CAMTA1: variants seen among roughly 807,000 people sequenced by gnomAD.
The protein encoded by CAMTA1 is calmodulin binding transcription activator 1.
In CAMTA1, 27 loss-of-function variants were observed where a neutral mutation model predicts 170.9. The observed-to-expected ratio is 0.16, with a 90% confidence interval of 0.12 to 0.22. The LOEUF (loss-of-function observed/expected upper bound fraction) is 0.22, where lower values mean the gene tolerates loss of function less well. Ranked by LOEUF, CAMTA1 falls within the 10% of genes least tolerant of loss-of-function variation. The pLI, the probability that CAMTA1 is intolerant of heterozygous loss-of-function variation, is 1.00. For missense variants in CAMTA1, 1,619 were observed against 2,217.2 expected (o/e 0.73, Z 5.42); for synonymous variants, 833 against 891.5 (o/e 0.93, Z 1.17).
chr1:7,354,814 T>C (rs2084970539), intron 5 of CAMTA1, among the ~76,000 whole-genome samples: 1 of 152,204 alleles, frequency 6.6e-6, no homozygotes, highest in South Asian at 2.1e-4. Flanking sequence ...TTTCTGATGA[T>C]GAGTGATGGT....
intron 3 of CAMTA1, among the ~76,000 whole-genome samples, chr1:6,954,719 G>T (rs1270428335): frequency 6.6e-6 from 1 of 152,164 alleles, no homozygotes; most frequent in African/African-American, 2.4e-5. Context: ...CAAGGACCGC[G>T]AGTGCCTTTG....
rs144631677 is a variant in CAMTA1, at chr1:7,450,589, G to A, written c.439-17241G>A. Among the ~76,000 whole-genome samples the A allele has an allele frequency of 7.9e-5, 12 of 152,344 alleles. 2 individuals carry two copies. The South Asian group carries it at 1.0e-3, about 13-fold the overall frequency. On this transcript the variant is annotated intron_variant, in intron 5 of 22. Coordinates refer to ENST00000303635, the MANE Select transcript of CAMTA1 (RefSeq NM_015215.4). The stretch of plus-strand genomic sequence containing the variant: ...GGGCTGCAGGCCCCACCGCCTGCCC[G>A]CTCTGCCTGCAAGATTCAATACCGC...
At chr1:7,055,432 A>G (rs1249409423) in intron 3 of CAMTA1, among the ~76,000 whole-genome samples, 1 of 152,174 alleles carries the variant, frequency 6.6e-6, no homozygotes, top group Non-Finnish European at 1.5e-5. Flanking sequence ...CTGAGTCCCC[A>G]GTTCTTCCTG....
chr1:7,484,776 G>A (rs2093594786), intron 6 of CAMTA1, among the ~76,000 whole-genome samples: 2 of 151,862 alleles, frequency 1.3e-5, no homozygotes, highest in South Asian at 2.1e-4. Context: ...GCGACAGAGC[G>A]AGACTATGTC....
At chr1:7,370,914 C>CTTTTCTT (rs1553149257) in intron 5 of CAMTA1, among the ~76,000 whole-genome samples, 6 of 109,984 alleles carry the variant, frequency 5.5e-5, no homozygotes, top group African/African-American at 7.0e-5. Flanking sequence ...TTCTTTCTTT[C>CTTTTCTT]TTTTTTTTTT....
intron 5 of CAMTA1, among the ~76,000 whole-genome samples, chr1:7,338,928 AC>A (rs1033889516): frequency 5.9e-5 from 9 of 152,198 alleles, no homozygotes; most frequent in African/African-American, 2.2e-4. Flanking sequence ...GCCTCAGGAA[AC>A]TTTTAATTAT....
At position 7,672,128 on chromosome 1, in the gene CAMTA1, G is replaced by A. The variant is rs553388320; in HGVS notation, c.2779+1091G>A. On this transcript the variant is annotated intron_variant, in intron 10 of 22. Transcript: ENST00000303635. ...GGGTAAGGATGCAGGGGTGCGGAACGGCAGGGAGACCCACCCCTGTCCTCT... is the reference window on the plus strand; with the variant it reads ...GGGTAAGGATGCAGGGGTGCGGAACAGCAGGGAGACCCACCCCTGTCCTCT... 1.2e-4 allele frequency: 52 copies of A among 452,116 alleles called. 2 individuals carry two copies. The highest frequency in any genetic ancestry group is 5.6e-4 in the South Asian group (36 of 64,064). The allele number at this position is 452,116 out of a possible 1,614,324, so 28.0% of individuals were successfully genotyped here.
intron 3 of CAMTA1, among the ~76,000 whole-genome samples, chr1:6,899,268 C>T (rs1259993790): frequency 1.4e-4 from 21 of 152,218 alleles, no homozygotes; most frequent in Admixed American, 1.4e-3. Context: ...AGCTTATTGT[C>T]TCACGTGAAC....
At chr1:7,110,941 G>A (rs996141937) in intron 4 of CAMTA1, among the ~76,000 whole-genome samples, 12 of 152,292 alleles carry the variant, frequency 7.9e-5, no homozygotes, top group South Asian at 2.1e-4. Context: ...TATGTTAGAC[G>A]TGTGACCCAG....
intron 11 of CAMTA1, among the ~76,000 whole-genome samples, chr1:7,707,052 CATTTTTG>C (rs1348399765): frequency 6.6e-5 from 10 of 151,632 alleles, no homozygotes; most frequent in Admixed American, 5.9e-4. Flanking sequence ...ATGCCCAGCT[CATTTTTG>C]TATTTTGGTG....
At chr1:6,952,791 G>A (rs1238434826) in intron 3 of CAMTA1, among the ~76,000 whole-genome samples, 1 of 151,672 alleles carries the variant, frequency 6.6e-6, no homozygotes, top group Non-Finnish European at 1.5e-5. Context: ...CCGAGATAAC[G>A]CCACTGTACT....
chr1:7,156,762 A>G (rs1211779222), intron 4 of CAMTA1, among the ~76,000 whole-genome samples: 2 of 152,166 alleles, frequency 1.3e-5, no homozygotes. Context: ...CAGATCATTC[A>G]TTATTTCAGA....
chr1:6,795,806 T>G (rs1354749214), intron 1 of CAMTA1, among the ~76,000 whole-genome samples: 2 of 152,228 alleles, frequency 1.3e-5, no homozygotes, highest in Admixed American at 1.3e-4. Context: ...CTTCTAAATT[T>G]TTTTCCTGTT....
chr1:7,456,355 A>G lies in CAMTA1; in HGVS notation c.439-11475A>G, dbSNP rs578209581. Reference sequence around the variant, plus strand: ...ACCAGTATACACCACTCTGGAGACCAGCTCTAGCCACTTGGCAGGGCTCCA... The same window carrying G: ...ACCAGTATACACCACTCTGGAGACCGGCTCTAGCCACTTGGCAGGGCTCCA... On this transcript the variant is annotated intron_variant, in intron 5 of 22. Coordinates refer to ENST00000303635, the MANE Select transcript of CAMTA1 (RefSeq NM_015215.4). This position sits in a 1 kb window ranked among gnomAD's most constrained non-coding sequence, Gnocchi z 4.9. Among the ~76,000 whole-genome samples, 2 of 152,324 alleles carry G rather than the reference A, an allele frequency of 1.3e-5. No homozygotes were observed. Among genetic ancestry groups the G allele is most frequent in the South Asian group, 4.1e-4 (2 of 4,826 alleles).
chr1:7,336,886 A>G (rs2083417708), intron 5 of CAMTA1, among the ~76,000 whole-genome samples: 1 of 152,132 alleles, frequency 6.6e-6, no homozygotes, highest in Admixed American at 6.5e-5. Context: ...TGGAGTCCCC[A>G]CATGTGTGCC....
At chr1:7,497,027 C>T (rs1207550988) in intron 6 of CAMTA1, among the ~76,000 whole-genome samples, 1 of 30,124 alleles carries the variant, frequency 3.3e-5, no homozygotes, top group African/African-American at 1.5e-4. Flanking sequence ...ACCTAGGGCT[C>T]GAGAAAAATA....
chr1:7,360,424 G>A (rs967663123), intron 5 of CAMTA1, among the ~76,000 whole-genome samples: 3 of 152,194 alleles, frequency 2.0e-5, no homozygotes, highest in African/African-American at 7.2e-5. Context: ...TTGCACTCTT[G>A]TGAATCAGGC....
intron 5 of CAMTA1, among the ~76,000 whole-genome samples, chr1:7,274,837 T>C (rs909106456): frequency 6.6e-6 from 1 of 151,984 alleles, no homozygotes; most frequent in African/African-American, 2.4e-5. Flanking sequence ...GAAGAAATAT[T>C]ATAAAGGAAA....
chr1:7,640,847 C>T lies in CAMTA1; in HGVS notation c.664+294C>T, dbSNP rs562195193. Among the ~76,000 whole-genome samples the T allele has an allele frequency of 3.1e-3, 475 of 152,216 alleles. 1 individual carries two copies. Among genetic ancestry groups the T allele is most frequent in the Non-Finnish European group, 5.2e-3 (355 of 68,032 alleles). On this transcript the variant is annotated intron_variant, in intron 7 of 22. Transcript: ENST00000303635. ...AAGCAGGCCAAGAGTGGGCCAGGAC[C>T]GGGTCTCCGGGGCCACAGACAGGAG...
Sources: gnomAD v4.1 joint callset for allele counts (sites outside exome capture counted in the v4.1 genomes callset) on GRCh38, gnomAD v4.1.1 for gene constraint, Gnocchi (gnomAD v3.1) non-coding constraint, MANE v1.5 for transcripts, NCBI Gene and HGNC (gene_info 2026-07-23, HGNC 2026-07-21) for gene names.